The following PRPF3 variants were observed in gnomAD, a reference collection of about 807,000 sequenced individuals.
PRPF3 encodes the protein pre-mRNA processing factor 3.
In PRPF3, 3 loss-of-function variants were observed where a neutral mutation model predicts 89.2. The ratio of observed to expected loss-of-function variants is 0.03; its 90% CI spans 0.02 to 0.09. PRPF3 has a LOEUF of 0.09. Among genes scored for constraint, PRPF3 ranks in the 10% least tolerant of loss-of-function variants. The probability of loss-of-function intolerance (pLI) is 1.00; values close to 1 mark genes in which losing one functional copy is unlikely to be tolerated. For synonymous variants in PRPF3, 270 were observed against 289.1 expected (o/e 0.93, Z 0.67); for missense variants, 463 against 828.8 (o/e 0.56, Z 5.42).
At chr1:150,342,949 A>C (rs1311411673) in intron 9 of PRPF3, among the ~76,000 whole-genome samples, 1 of 152,248 alleles carries the variant, frequency 6.6e-6, no homozygotes, top group African/African-American at 2.4e-5. Context: ...AATTACAGGC[A>C]TAAGCCACTG....
chr1:150,322,409 A>G (rs1258986217), intron 1 of PRPF3, among the ~76,000 whole-genome samples: 1 of 152,226 alleles, frequency 6.6e-6, no homozygotes, highest in Non-Finnish European at 1.5e-5. Flanking sequence ...TAACTTGCCC[A>G]AGGGCTTGTA....
Position 150,346,460 on chromosome 1 carries a change from G to T in PRPF3, c.1812G>T (p.Trp604Cys). The change falls in exon 14 of 16, where the codon TGG becomes TGT. Residue 604 changes from tryptophan to cysteine, a missense_variant. This residue lies in a region of PRPF3 where 78 missense variants were observed against 96.6 expected (regional missense o/e 0.81). Coordinates refer to ENST00000324862, the MANE Select transcript of PRPF3 (RefSeq NM_004698.4). ...FKRLMLHRIK[W>C]DEQTSNTKGD... ...GTCTTATGCTGCATCGGATAAAGTG[G>T]GATGAACAGACATCTAACACAAAGG... is the stretch of plus-strand genomic sequence containing the variant. The T allele has an allele frequency of 6.2e-7, 1 of 1,613,926 alleles. No homozygotes were observed. Among genetic ancestry groups the T allele is most frequent in the Non-Finnish European group, 8.5e-7 (1 of 1,179,892 alleles).
intron 9 of PRPF3, among the ~76,000 whole-genome samples, chr1:150,342,632 C>G (rs1657877917): frequency 6.6e-6 from 1 of 151,998 alleles, no homozygotes; most frequent in Non-Finnish European, 1.5e-5. Context: ...AAGTGATTCT[C>G]CTGCCTCAGC....
chr1:150,352,691 G>C (rs900152150), intron 15 of PRPF3, 142 bp from the exon 16 acceptor site: 19 of 860,530 alleles, frequency 2.2e-5, no homozygotes, highest in Non-Finnish European at 3.5e-5. Flanking sequence ...CCAAGGAAAT[G>C]GAGGTCACAA....
At chr1:150,343,577 T>C in intron 10 of PRPF3, 125 bp downstream of exon 10, 1 of 1,286,250 alleles carries the variant, frequency 7.8e-7, no homozygotes, top group Non-Finnish European at 1.1e-6. Flanking sequence ...TGGGGTCCTT[T>C]TTCTCCAAGT....
chr1:150,347,131 T>C (rs1431910664), intron 14 of PRPF3, among the ~76,000 whole-genome samples: 1 of 151,854 alleles, frequency 6.6e-6, no homozygotes, highest in Non-Finnish European at 1.5e-5. Flanking sequence ...TATACATTCA[T>C]GTGTACAGTG....
At position 150,338,314 on chromosome 1, in the gene PRPF3, A is replaced by G. The variant is rs782428898; in HGVS notation, c.1190A>G (p.Asn397Ser). Residue 397 changes from asparagine to serine, a missense_variant, in exon 8 of 16, where the codon AAT becomes AGT. Asn to Ser is a conservative substitution (Grantham distance 46). Transcript: ENST00000324862. Reference protein sequence around the residue: ...IEWWDSYIIPNGFDLTEENPK... With the variant: ...IEWWDSYIIPSGFDLTEENPK... The stretch of plus-strand genomic sequence containing the variant: ...TGGTGGGACTCTTACATAATCCCCA[A>G]TGGCTTTGATCTGTGAGTTTGTTTT... 1.7e-5 allele frequency: 28 copies of G among 1,613,856 alleles called. No homozygotes were observed. The highest frequency in any genetic ancestry group is 2.2e-5 in the Non-Finnish European group (26 of 1,179,940).
chr1:150,329,153 C>T (rs973970873), intron 4 of PRPF3, among the ~76,000 whole-genome samples: 4 of 151,704 alleles, frequency 2.6e-5, no homozygotes, highest in Admixed American at 1.3e-4. Flanking sequence ...CCTAAGCCTC[C>T]GGAGTAGCTG....
In PRPF3 at chr1:150,338,495, G is replaced by GTA. The variant is rs1467846345; in HGVS notation, c.1202+170_1202+171insAT. On this transcript the variant is annotated intron_variant, in intron 8 of 15. Transcript: ENST00000324862. ...GATAAGTAACTGTACACAAGGTCCT[G>GTA]TTATTTTTTTTTTTTTTTTTTTTGA... Among the ~76,000 whole-genome samples, 316 of 35,562 alleles carry GTA rather than the reference G, an allele frequency of 8.9e-3. 72 individuals carry two copies. Among genetic ancestry groups the GTA allele is most frequent in the Middle Eastern group, 0.018 (1 of 56 alleles). The allele number at this position is 35,562 out of a possible 152,430, so 23.3% of individuals were successfully genotyped here.
chr1:150,348,751 C>G, intron 14 of PRPF3: 1 of 254,236 alleles, frequency 3.9e-6, no homozygotes, highest in South Asian at 4.7e-5. Flanking sequence ...GCGTGAGCCA[C>G]CACGCTGGCC....
chr1:150,335,547 C>T (rs895668669), intron 7 of PRPF3, among the ~76,000 whole-genome samples: 19 of 152,124 alleles, frequency 1.2e-4, no homozygotes, highest in Middle Eastern at 3.2e-3. Flanking sequence ...CTTGCTGCAA[C>T]CTTTGCCTCC....
At chr1:150,344,979 T>C (rs35519844) in intron 12 of PRPF3, among the ~76,000 whole-genome samples, 3,267 of 152,116 alleles carry the variant, frequency 0.021, 63 homozygotes, top group Non-Finnish European at 0.036. Context: ...CTTACCCTGA[T>C]GTATTGCTGT....
chr1:150,331,719 G>A (rs1209444821), intron 4 of PRPF3, among the ~76,000 whole-genome samples: 1 of 152,068 alleles, frequency 6.6e-6, no homozygotes, highest in East Asian at 1.9e-4. Context: ...AAATGTTAAA[G>A]ACAAATGTTT....
Position 150,348,466 on chromosome 1 carries a change from T to TTTTTTTTTTTTTTTA in PRPF3, c.1844-678_1844-677insTATTTTTTTTTTTTT, listed in dbSNP as rs1553873610. Among the ~76,000 whole-genome samples, 79 of 110,518 alleles carry TTTTTTTTTTTTTTTA rather than the reference T, an allele frequency of 7.1e-4. 8 individuals carry two copies. The highest frequency in any genetic ancestry group is 2.9e-3 in the African/African-American group (77 of 26,942). The allele number at this position is 110,518 out of a possible 152,430, so 72.5% of individuals were successfully genotyped here. On this transcript the variant is annotated intron_variant, in intron 14 of 15. Transcript: ENST00000324862. The stretch of plus-strand genomic sequence containing the variant: ...TATTTTGTTCTACACGTGCATTTTT[T>TTTTTTTTTTTTTTTA]TTTTTTTTTTTTTGAGATGGAGTCT...
At chr1:150,344,404 C>A in intron 11 of PRPF3, 30 bp from the exon 12 acceptor site, 1 of 1,614,166 alleles carries the variant, frequency 6.2e-7, no homozygotes, top group South Asian at 1.1e-5. Context: ...ATGCCTTTCT[C>A]ACTTGTGGAT....
chr1:150,344,320 G>A, intron 11 of PRPF3, 59 bp downstream of exon 11: 1 of 1,613,670 alleles, frequency 6.2e-7, no homozygotes. Flanking sequence ...AACTCTTCTG[G>A]GGGGTCCATA....
chr1:150,335,738 T>G (rs1656902986), intron 7 of PRPF3, among the ~76,000 whole-genome samples: 1 of 150,042 alleles, frequency 6.7e-6, no homozygotes, highest in East Asian at 2.0e-4. Context: ...GTGCTGGGAT[T>G]ACAGGCGTGA....
intron 8 of PRPF3, among the ~76,000 whole-genome samples, chr1:150,339,568 C>T (rs1387838573): frequency 6.6e-6 from 1 of 151,704 alleles, no homozygotes; most frequent in Non-Finnish European, 1.5e-5. Context: ...TCCCAAGTAG[C>T]TGAGATTATA....
Position 150,343,320 on chromosome 1 carries a change from A to G in PRPF3, c.1294A>G (p.Thr432Ala). ...TCTCTGCCTGACAGTTGACAATGAC[A>G]CACCAGTTACTCTGGGAGTATATCT... ...AQLNPPVDNDTPVTLGVYLTK... is the reference protein window; with the variant it reads ...AQLNPPVDNDAPVTLGVYLTK... The change falls in exon 10 of 16, where the codon ACA becomes GCA. Residue 432 changes from threonine (T) to alanine (A), a missense_variant. Physicochemically the swap from Thr to Ala is moderately conservative, Grantham distance 58. Coordinates refer to ENST00000324862, the MANE Select transcript of PRPF3 (RefSeq NM_004698.4). 1 of 1,444,180 alleles carries G rather than the reference A, an allele frequency of 6.9e-7. No homozygotes were observed. Among genetic ancestry groups the G allele is most frequent in the Non-Finnish European group, 9.6e-7 (1 of 1,038,190 alleles). The allele number at this position is 1,444,180 out of a possible 1,614,324, so 89.5% of individuals were successfully genotyped here.
Sources: gnomAD v4.1 joint callset for allele counts (sites outside exome capture counted in the v4.1 genomes callset) on GRCh38, gnomAD v4.1.1 for gene constraint, gnomAD v4.1.1 regional missense constraint, MANE v1.5 for transcripts, NCBI Gene and HGNC (gene_info 2026-07-23, HGNC 2026-07-21) for gene names.